PPP1R7: variants seen among roughly 807,000 people sequenced by gnomAD.
PPP1R7 encodes the protein protein phosphatase 1 regulatory subunit 22.
A neutral mutation model predicts 45.2 loss-of-function variants in PPP1R7; 18 were observed. The ratio of observed to expected loss-of-function variants is 0.40; its 90% CI spans 0.28 to 0.59. PPP1R7 has a LOEUF of 0.59. Ranked by LOEUF, PPP1R7 falls within the 20% of genes least tolerant of loss-of-function variation. The pLI is 0.46. For synonymous variants in PPP1R7, 181 were observed against 183.4 expected, an observed-to-expected ratio of 0.99 and a Z score of 0.11; for missense variants, 314 against 455.8, an observed-to-expected ratio of 0.69 and a Z score of 2.83.
chr2:241,151,123 C>A (rs76224981), intron 1 of PPP1R7, among the ~76,000 whole-genome samples: 2,663 of 152,216 alleles, frequency 0.017, 90 homozygotes, highest in African/African-American at 0.06. Flanking sequence ...GAAAAAAAAA[C>A]CACATGCATA....
intron 8 of PPP1R7, among the ~76,000 whole-genome samples, chr2:241,167,738 C>G (rs1231506068): frequency 2.6e-5 from 4 of 151,938 alleles, no homozygotes; most frequent in African/African-American, 9.7e-5. Flanking sequence ...TCTTGGGCCT[C>G]TGAAACAAAA....
chr2:241,173,269 C>CAAAAAAAAAAA (rs540011262), intron 9 of PPP1R7, among the ~76,000 whole-genome samples: 3 of 90,684 alleles, frequency 3.3e-5, no homozygotes, highest in African/African-American at 1.8e-4. Context: ...AAGACTTTCT[C>CAAAAAAAAAAA]AAAAAAAAAA....
chr2:241,183,126 C>G lies in PPP1R7; in HGVS notation c.*303C>G, dbSNP rs562268221. 4.7e-5 allele frequency: 20 copies of G among 422,062 alleles called. No individual in the cohort carries two copies. Among genetic ancestry groups the G allele is most frequent in the African/African-American group, 4.0e-4 (20 of 49,630 alleles). 26.1% of individuals were successfully genotyped at this position (422,062 alleles called of 1,614,324 possible). A position where few individuals can be genotyped will look rare whatever the true frequency, so the allele number is the denominator to read the frequency against. On this transcript the variant is annotated 3_prime_UTR_variant, in exon 10 of 10. Coordinates refer to ENST00000234038, the MANE Select transcript of PPP1R7 (RefSeq NM_002712.3). ...CTGTTTCCTTCTCTCAGAAGGCAGT[C>G]ACAGTCCCTACCTGAGTCGTGTGAA...
chr2:241,170,465 G>A (rs955979454), intron 9 of PPP1R7, among the ~76,000 whole-genome samples: 3 of 152,188 alleles, frequency 2.0e-5, no homozygotes, highest in Admixed American at 6.5e-5. Context: ...AATGATCCCC[G>A]AGTGGAAGTC....
intron 9 of PPP1R7, among the ~76,000 whole-genome samples, chr2:241,172,154 C>CTTT (rs34924573): frequency 1.4e-5 from 2 of 143,832 alleles, no homozygotes; most frequent in African/African-American, 5.1e-5. Context: ...TTTGGAGTGA[C>CTTT]TTTTTTTTTT....
upstream of PPP1R7, chr2:241,150,224 C>T: frequency 2.3e-6 from 3 of 1,279,298 alleles, no homozygotes; most frequent in Non-Finnish European, 2.0e-6. Context: ...CGGCTCTGTG[C>T]GTCCCGCTTC....
At chr2:241,159,099 A>G in intron 4 of PPP1R7, 114 bp from the exon 5 acceptor site, 1 of 1,288,372 alleles carries the variant, frequency 7.8e-7, no homozygotes, top group South Asian at 1.4e-5. Context: ...CAGCAGGAGA[A>G]TGAAGACATG....
intron 7 of PPP1R7, among the ~76,000 whole-genome samples, chr2:241,163,918 CT>C (rs34964698): frequency 3.6e-5 from 5 of 140,130 alleles, no homozygotes; most frequent in Admixed American, 1.4e-4. Flanking sequence ...CGTGGCCTTT[CT>C]TTTTTTTTTA....
intron 9 of PPP1R7, among the ~76,000 whole-genome samples, chr2:241,175,581 C>A (rs888596294): frequency 6.6e-6 from 1 of 152,168 alleles, no homozygotes; most frequent in African/African-American, 2.4e-5. Flanking sequence ...TCACCAGCAT[C>A]TGGAATAGTG....
chr2:241,171,825 AG>A (rs1228959969), intron 9 of PPP1R7, among the ~76,000 whole-genome samples: 1 of 152,168 alleles, frequency 6.6e-6, no homozygotes, highest in Admixed American at 6.5e-5. Flanking sequence ...TTGTCCTGGA[AG>A]GGTATCTTGT....
At chr2:241,175,715 C>T (rs2067896891) in intron 9 of PPP1R7, among the ~76,000 whole-genome samples, 2 of 152,220 alleles carry the variant, frequency 1.3e-5, no homozygotes, top group South Asian at 4.1e-4. Context: ...CCACCTCAGC[C>T]TCCCAAGTAG....
intron 6 of PPP1R7, among the ~76,000 whole-genome samples, chr2:241,162,683 CTT>C (rs1232024996): frequency 1.9e-4 from 26 of 134,346 alleles, no homozygotes; most frequent in Middle Eastern, 3.7e-3. Context: ...CTTGGGAGGA[CTT>C]TTTTTTTTTT....
At chr2:241,174,801 A>G (rs1036208623) in intron 9 of PPP1R7, among the ~76,000 whole-genome samples, 1 of 151,358 alleles carries the variant, frequency 6.6e-6, no homozygotes, top group Non-Finnish European at 1.5e-5. Context: ...CAGTCTCCTG[A>G]GTAGCTGGGA....
At chr2:241,166,587 C>T (rs1256530261) in intron 8 of PPP1R7, 146 bp downstream of exon 8, 4 of 677,968 alleles carry the variant, frequency 5.9e-6, no homozygotes, top group Non-Finnish European at 1.0e-5. Flanking sequence ...ACCTTCCCAT[C>T]CTAAAAACTA....
At chr2:241,180,092 C>T (rs1047753178) in intron 9 of PPP1R7, among the ~76,000 whole-genome samples, 7 of 152,128 alleles carry the variant, frequency 4.6e-5, no homozygotes, top group Non-Finnish European at 7.4e-5. Flanking sequence ...CATCACATAT[C>T]GAGAAAGAAG....
intron 9 of PPP1R7, among the ~76,000 whole-genome samples, chr2:241,178,623 ATT>A (rs60547782): frequency 7.5e-5 from 3 of 39,862 alleles, no homozygotes; most frequent in Non-Finnish European, 4.4e-5. Context: ...CGCTCCGCTA[ATT>A]TTTTTTTTTT....
chr2:241,159,054 A>C (rs1316415865), intron 4 of PPP1R7, 159 bp from the exon 5 acceptor site: 1 of 881,446 alleles, frequency 1.1e-6, no homozygotes. Context: ...GCCCTTGCCC[A>C]CCTGCCTCTC....
chr2:241,149,898 G>C, upstream of PPP1R7: 1 of 1,439,954 alleles, frequency 6.9e-7, no homozygotes, highest in Non-Finnish European at 9.1e-7. Context: ...GGCCCCACCA[G>C]CGCAAGTGCC....
At chr2:241,181,634 G>T (rs1172568987) in intron 9 of PPP1R7, among the ~76,000 whole-genome samples, 2 of 152,166 alleles carry the variant, frequency 1.3e-5, no homozygotes, top group South Asian at 2.1e-4. Context: ...TGTGGGCAGG[G>T]CAGTGGGCAG....
Sources: allele counts gnomAD v4.1 joint callset (sites outside exome capture counted in the v4.1 genomes callset), GRCh38; gene constraint gnomAD v4.1.1; transcripts MANE v1.5; gene names NCBI Gene and HGNC (gene_info 2026-07-23, HGNC 2026-07-21).